Variants in RNLS observed in about 807,000 individuals in gnomAD.
The protein encoded by RNLS is renalase.
RNLS carries 39 observed loss-of-function variants against 39.8 expected under a neutral mutation model. The observed-to-expected ratio is 0.98, with a 90% CI of 0.76 to 1.28. The LOEUF (loss-of-function observed/expected upper bound fraction) is 1.28, where lower values mean the gene tolerates loss of function less well. RNLS is among the 50% of genes most tolerant of loss of function. The pLI is 0.00. For missense variants in RNLS, 410 were observed against 413.3 expected (o/e 0.99, Z 0.07); for synonymous variants, 147 against 150.7 (o/e 0.98, Z 0.18).
chr10:88,560,981 C>T (rs1849153584), intron 4 of RNLS, among the ~76,000 whole-genome samples: 1 of 151,934 alleles, frequency 6.6e-6, no homozygotes, highest in African/African-American at 2.4e-5. Flanking sequence ...CACATACACA[C>T]ACAGACCCAT....
intron 4 of RNLS, among the ~76,000 whole-genome samples, chr10:88,537,994 T>TA (rs1847855546): frequency 3.3e-5 from 5 of 152,212 alleles, no homozygotes; most frequent in Admixed American, 3.3e-4. Flanking sequence ...TAATGCCTCT[T>TA]ACAAACTTTT....
At chr10:88,177,292 T>C in the RNLS span, among the ~76,000 whole-genome samples, 2 of 152,222 alleles carry the variant, frequency 1.3e-5, no homozygotes, top group Non-Finnish European at 2.9e-5. Flanking sequence ...TTCTTTGTTT[T>C]TGTCTGACTG....
the RNLS span, among the ~76,000 whole-genome samples, chr10:88,251,871 T>C: frequency 2.6e-5 from 4 of 152,142 alleles, no homozygotes; most frequent in Non-Finnish European, 5.9e-5. Context: ...CCAGGAGACA[T>C]CTAAATGGGT....
chr10:88,247,012 G>A, the RNLS span, among the ~76,000 whole-genome samples: 1 of 152,164 alleles, frequency 6.6e-6, no homozygotes, highest in African/African-American at 2.4e-5. Flanking sequence ...GTATTGTTTT[G>A]TTATGAATCA....
chr10:88,468,922 T>A (rs556170867), intron 4 of RNLS, among the ~76,000 whole-genome samples: 6 of 152,296 alleles, frequency 3.9e-5, no homozygotes, highest in African/African-American at 1.2e-4. Flanking sequence ...CTAAATGCCT[T>A]TGAGTTGTTA....
At chr10:88,214,032 C>A in the RNLS span, among the ~76,000 whole-genome samples, 1 of 152,048 alleles carries the variant, frequency 6.6e-6, no homozygotes, top group Non-Finnish European at 1.5e-5. Context: ...AATCAGGACT[C>A]GGTTTCTCTC....
At chr10:88,546,263 T>A (rs1274450006) in intron 4 of RNLS, among the ~76,000 whole-genome samples, 2 of 152,086 alleles carry the variant, frequency 1.3e-5, no homozygotes, top group Non-Finnish European at 2.9e-5. Flanking sequence ...CCATATTCAA[T>A]CATTTATATC....
At chr10:88,318,440 C>A (rs1845930622) in intron 5 of RNLS, among the ~76,000 whole-genome samples, 1 of 152,238 alleles carries the variant, frequency 6.6e-6, no homozygotes, top group Non-Finnish European at 1.5e-5. Context: ...GTTGAGGATG[C>A]AGTAGTGGTT....
intron 4 of RNLS, among the ~76,000 whole-genome samples, chr10:88,428,453 C>T (rs2133797081): frequency 6.6e-6 from 1 of 152,112 alleles, no homozygotes. Context: ...AATGGCTTAA[C>T]TGTGTCTAAG....
chr10:88,534,449 T>C (rs1269471688), intron 4 of RNLS, among the ~76,000 whole-genome samples: 3 of 152,106 alleles, frequency 2.0e-5, no homozygotes, highest in Admixed American at 2.0e-4. Flanking sequence ...TAAGAAATAA[T>C]AAAAAATTAT....
chr10:88,441,979 C>T lies in RNLS; in HGVS notation c.527-79254G>A, dbSNP rs1417486482. Among the ~76,000 whole-genome samples, 4 of 152,220 alleles carry T rather than the reference C, an allele frequency of 2.6e-5. No individual in the cohort carries two copies. The East Asian group carries it at 7.7e-4, about 29-fold the overall frequency. On this transcript the variant is annotated intron_variant, in intron 4 of 6. Coordinates refer to ENST00000331772, the MANE Select transcript of RNLS (RefSeq NM_001031709.3). ...AGGCAGAGGCAGCCGGGTTACTATC[C>T]CCTATGGTGATGCCCTCCCAAAAGG...
At chr10:88,416,782 G>T (rs1164551423) in intron 4 of RNLS, among the ~76,000 whole-genome samples, 1 of 152,080 alleles carries the variant, frequency 6.6e-6, no homozygotes, top group Non-Finnish European at 1.5e-5. Context: ...AAAGGATGTG[G>T]CAATTTTACA....
intron 3 of RNLS, among the ~76,000 whole-genome samples, chr10:88,579,891 C>T (rs1230942101): frequency 1.3e-5 from 2 of 152,192 alleles, no homozygotes; most frequent in Admixed American, 6.5e-5. Context: ...GCAGATTGCC[C>T]TCCCTAATGT....
At chr10:88,470,483 A>C (rs1289684115) in intron 4 of RNLS, among the ~76,000 whole-genome samples, 1 of 152,238 alleles carries the variant, frequency 6.6e-6, no homozygotes, top group Non-Finnish European at 1.5e-5. Flanking sequence ...ATTTGGGAGA[A>C]AAGAAGTTAC....
At chr10:88,386,360 A>C (rs1851856880) in intron 4 of RNLS, among the ~76,000 whole-genome samples, 1 of 152,160 alleles carries the variant, frequency 6.6e-6, no homozygotes, top group African/African-American at 2.4e-5. Context: ...AAAATTGGTT[A>C]GTTCTAAAGG....
chr10:88,412,121 T>G (rs1853693089), intron 4 of RNLS, among the ~76,000 whole-genome samples: 1 of 151,608 alleles, frequency 6.6e-6, no homozygotes, highest in Non-Finnish European at 1.5e-5. Context: ...AGGTGGAGAG[T>G]AGAATGAAGC....
At chr10:88,340,047 T>G (rs1847821045) in intron 5 of RNLS, among the ~76,000 whole-genome samples, 1 of 152,246 alleles carries the variant, frequency 6.6e-6, no homozygotes, top group African/African-American at 2.4e-5. Flanking sequence ...GAGACTTCTT[T>G]GATTATTCCA....
intron 5 of RNLS, among the ~76,000 whole-genome samples, chr10:88,335,456 G>A (rs1344529169): frequency 3.3e-5 from 5 of 152,060 alleles, no homozygotes; most frequent in Non-Finnish European, 7.4e-5. Flanking sequence ...CTAAACTCAA[G>A]GGATTCACCC....
intron 4 of RNLS, among the ~76,000 whole-genome samples, chr10:88,394,251 C>T (rs1852405529): frequency 6.6e-6 from 1 of 152,164 alleles, no homozygotes; most frequent in African/African-American, 2.4e-5. Flanking sequence ...TCAGAGTGAA[C>T]AGGCAACCTA....
Sources: allele counts gnomAD v4.1 joint callset (sites outside exome capture counted in the v4.1 genomes callset), GRCh38; gene constraint gnomAD v4.1.1; transcripts MANE v1.5; gene names NCBI Gene and HGNC (gene_info 2026-07-23, HGNC 2026-07-21).